PLK4: variants seen among roughly 807,000 people sequenced by gnomAD.
The protein encoded by PLK4 is polo like kinase 4, also known as serine/threonine-protein kinase PLK4.
In PLK4, 51 loss-of-function variants were observed where a neutral mutation model predicts 103.0. The observed-to-expected ratio is 0.50, with a 90% confidence interval of 0.40 to 0.63. PLK4 has a LOEUF of 0.63. PLK4 is among the 20% of genes least tolerant of loss of function. The pLI, the probability that PLK4 is intolerant of heterozygous loss-of-function variation, is 0.00. For missense variants in PLK4, 1,054 were observed against 1,151.0 expected (o/e 0.92, Z 1.22); for synonymous variants, 389 against 376.8 (o/e 1.03, Z -0.38).
At chr4:127,883,856 T>C (rs772022618) in intron 4 of PLK4, among the ~76,000 whole-genome samples, 5 of 152,172 alleles carry the variant, frequency 3.3e-5, no homozygotes, top group African/African-American at 4.8e-5. Flanking sequence ...AGGATGTCAT[T>C]GGTGACTATA....
chr4:127,894,234 AGTTTTTTTTTTT>A (rs1375354599), intron 13 of PLK4, among the ~76,000 whole-genome samples: 4 of 151,834 alleles, frequency 2.6e-5, no homozygotes, highest in African/African-American at 9.7e-5. Flanking sequence ...ATACATATGT[AGTTTTTTTTTTT>A]GTTTTTTTGA....
intron 15 of PLK4, 58 bp downstream of exon 15, chr4:127,896,965 A>G (rs2148825428): frequency 7.3e-6 from 6 of 825,770 alleles, no homozygotes; most frequent in East Asian, 2.5e-5. Flanking sequence ...CTCTTTCTCT[A>G]TATGTTGAAA....
At chr4:127,897,830 T>TTTTTTTTG (rs1735630828) in intron 15 of PLK4, among the ~76,000 whole-genome samples, 1 of 81,432 alleles carries the variant, frequency 1.2e-5, no homozygotes, top group Non-Finnish European at 2.4e-5. Flanking sequence ...AGGGCTTTTT[T>TTTTTTTTG]TTTTTTTTTT....
Position 127,886,481 on chromosome 4 carries a change from C to G in PLK4, c.1111C>G (p.Arg371Gly). ...IQDAEERPHS[R>G]YLRRAYSSDR... ...AGATGCAGAAGAAAGGCCACATTCT[C>G]GATACCTTCGTAGAGCTTATTCCTC... The change falls in exon 5 of 16, where the codon CGA becomes GGA. Residue 371 changes from arginine to glycine, a missense_variant. By Grantham distance (125) the Arg-to-Gly change is moderately radical. Coordinates refer to ENST00000270861, the MANE Select transcript of PLK4 (RefSeq NM_014264.5). 6.2e-7 allele frequency: 1 copy of G among 1,614,002 alleles called. No individual in the cohort carries two copies. Among genetic ancestry groups the G allele is most frequent in the South Asian group, 1.1e-5 (1 of 91,074 alleles).
chr4:127,881,716 G>C (rs1734935984), intron 1 of PLK4, 115 bp from the exon 2 acceptor site: 6 of 693,378 alleles, frequency 8.7e-6, no homozygotes, highest in Middle Eastern at 2.4e-4. Flanking sequence ...TGTAATACCC[G>C]CTTGAATTTT....
In PLK4 at chr4:127,886,072, G is replaced by A. The variant is rs778024408; in HGVS notation, c.702G>A (p.Leu234=). 1.9e-6 allele frequency: 3 copies of A among 1,614,106 alleles called. No homozygotes were observed. Among genetic ancestry groups the A allele is most frequent in the South Asian group, 2.2e-5 (2 of 91,080 alleles). ...CAGATTATGAAATGCCATCTTTTTT[G>A]TCAATAGAGGCCAAGGACCTTATTC... ...VLADYEMPSF[L]SIEAKDLIHQ... Residue 234 remains leucine, a synonymous_variant, in exon 5 of 16, where the codon TTG becomes TTA. Transcript: ENST00000270861.
rs1449331033 is a variant in PLK4 at position 127,886,138 on chromosome 4, G to C, written c.768G>C (p.Leu256=). ...LRRNPADRLS[L]SSVLDHPFMS... ...GAAATCCAGCAGATCGTTTAAGTCT[G>C]TCTTCAGTATTGGACCATCCTTTTA... The change falls in exon 5 of 16, where the codon CTG becomes CTC. Residue 256 remains leucine (L), a synonymous_variant. Coordinates refer to ENST00000270861, the MANE Select transcript of PLK4 (RefSeq NM_014264.5). 2.5e-6 allele frequency: 4 copies of C among 1,614,002 alleles called. No homozygotes were observed. In the African/African-American group the frequency reaches 4.0e-5, roughly 16 times the overall value.
rs775954222 is a variant in PLK4, at chr4:127,883,353, TG to T, written c.220del (p.Glu74SerfsTer16). On this transcript the variant is annotated frameshift_variant, in exon 3 of 16. Coordinates refer to ENST00000270861, the MANE Select transcript of PLK4 (RefSeq NM_014264.5). LOFTEE classifies it high-confidence loss of function. ...IHCQLKHPSI[L>X]ELYNYFEDSN... ...TGCCAATTGAAACATCCTTCTATCT[TG>T]GAGGTAAGATATAAATTTTGTAGAA... The T allele has an allele frequency of 1.3e-6, 2 of 1,572,932 alleles. No homozygotes were observed. The highest frequency in any genetic ancestry group is 1.7e-6 in the Non-Finnish European group (2 of 1,143,190).
intron 6 of PLK4, among the ~76,000 whole-genome samples, chr4:127,888,177 CAAAAAAAAAAAAAAAAAAA>C (rs58491426): frequency 0.05 from 1,666 of 33,362 alleles, 79 homozygotes; most frequent in African/African-American, 0.15. Flanking sequence ...TAGACTGTCT[CAAAAAAAAAAAAAAAAAAA>C]AAAAAAAAAA....
chr4:127,888,610 A>T (rs1023961936), intron 6 of PLK4, among the ~76,000 whole-genome samples: 1 of 152,224 alleles, frequency 6.6e-6, no homozygotes, highest in South Asian at 2.1e-4. Context: ...CAGAGCTACT[A>T]AAACCTAAAT....
intron 15 of PLK4, among the ~76,000 whole-genome samples, chr4:127,897,877 G>T (rs544959068): frequency 4.0e-5 from 4 of 100,560 alleles, no homozygotes; most frequent in African/African-American, 1.7e-4. Flanking sequence ...GTCTCGCTCT[G>T]TTGCCCAGGC....
At chr4:127,888,607 A>G (rs1013528303) in intron 6 of PLK4, among the ~76,000 whole-genome samples, 5 of 152,228 alleles carry the variant, frequency 3.3e-5, no homozygotes, top group Admixed American at 1.3e-4. Context: ...GTACAGAGCT[A>G]CTAAAACCTA....
At chr4:127,883,992 A>C (rs1735026701) in intron 4 of PLK4, among the ~76,000 whole-genome samples, 1 of 152,210 alleles carries the variant, frequency 6.6e-6, no homozygotes, top group African/African-American at 2.4e-5. Context: ...CTAGTGACTC[A>C]TGGTCATATT....
At chr4:127,891,315 T>C (rs1248079515) in intron 8 of PLK4, 119 bp downstream of exon 8, 1 of 510,608 alleles carries the variant, frequency 2.0e-6, no homozygotes, top group African/African-American at 2.0e-5. Flanking sequence ...AGTATGATAG[T>C]GTCTCTGGAA....
At position 127,893,842 on chromosome 4, in the gene PLK4, T is replaced by A. The variant is rs770357335; in HGVS notation, c.2523T>A (p.Ser841Arg). The A allele has an allele frequency of 1.2e-6, 2 of 1,607,920 alleles. No homozygotes were observed. The highest frequency in any genetic ancestry group is 1.7e-6 in the Non-Finnish European group (2 of 1,174,572). The change falls in exon 13 of 16, where the codon AGT becomes AGA. Residue 841 changes from serine to arginine, a missense_variant. By Grantham distance (110) the Ser-to-Arg change is moderately radical. Transcript: ENST00000270861. ...RASFNRMVMH[S>R]AASPTQAPIL... ...CTTTCAACAGAATGGTCATGCATAGTGCTGCTTCTCCAACACAGGCACCAA... is the reference window on the plus strand; with the variant it reads ...CTTTCAACAGAATGGTCATGCATAGAGCTGCTTCTCCAACACAGGCACCAA...
At chr4:127,897,526 G>A (rs1331749341) in intron 15 of PLK4, among the ~76,000 whole-genome samples, 8 of 152,144 alleles carry the variant, frequency 5.3e-5, no homozygotes, top group Non-Finnish European at 1.0e-4. Context: ...AGTGCTTATT[G>A]TAATGGAAGT....
chr4:127,893,818 T>C lies in PLK4; in HGVS notation c.2499T>C (p.Ser833=). The change falls in exon 13 of 16, where the codon TCT becomes TCC. Residue 833 remains serine (S), a synonymous_variant. Coordinates refer to ENST00000270861, the MANE Select transcript of PLK4 (RefSeq NM_014264.5). ...ATTACCCAACGAGAGAGAGAGCATCTTTCAACAGAATGGTCATGCATAGTG... is the reference window on the plus strand; with the variant it reads ...ATTACCCAACGAGAGAGAGAGCATCCTTCAACAGAATGGTCATGCATAGTG... ...DSNYPTRERA[S]FNRMVMHSAA... The C allele has an allele frequency of 6.2e-7, 1 of 1,613,244 alleles. No homozygotes were observed. The highest frequency in any genetic ancestry group is 8.5e-7 in the Non-Finnish European group (1 of 1,179,172).
chr4:127,893,348 C>G lies in PLK4; in HGVS notation c.2252C>G (p.Thr751Ser), dbSNP rs1205871414. Reference sequence around the variant, plus strand: ...ATTGAAAAGACAGGGAAGTCTTACACTTTAAAAAGTGAAAGTGAAGTTAAT... The same window carrying G: ...ATTGAAAAGACAGGGAAGTCTTACAGTTTAAAAAGTGAAAGTGAAGTTAAT... ...QVIEKTGKSY[T>S]LKSESEVNSL... Residue 751 changes from threonine to serine, a missense_variant, in exon 11 of 16, where the codon ACT (threonine) becomes AGT (serine). Thr to Ser is a moderately conservative substitution (Grantham distance 58). This residue lies in a region of PLK4 where 680 missense variants were observed against 660.3 expected (regional missense o/e 1.03). Coordinates refer to ENST00000270861, the MANE Select transcript of PLK4 (RefSeq NM_014264.5). 3.7e-6 allele frequency: 6 copies of G among 1,605,296 alleles called. No homozygotes were observed. Among genetic ancestry groups the G allele is most frequent in the African/African-American group, 1.3e-5 (1 of 74,616 alleles).
intron 4 of PLK4, among the ~76,000 whole-genome samples, chr4:127,883,813 A>G (rs1735020812): frequency 6.6e-6 from 1 of 152,204 alleles, no homozygotes; most frequent in Non-Finnish European, 1.5e-5. Context: ...GTAGCAGTTT[A>G]CTGTGTATCT....
Sources: gnomAD v4.1 joint callset for allele counts (sites outside exome capture counted in the v4.1 genomes callset) on GRCh38, gnomAD v4.1.1 for gene constraint, gnomAD v4.1.1 regional missense constraint, MANE v1.5 for transcripts, NCBI Gene and HGNC (gene_info 2026-07-23, HGNC 2026-07-21) for gene names.